Variants in DGUOK observed in about 807,000 individuals in gnomAD.
The protein encoded by DGUOK is deoxyguanosine kinase, mitochondrial.
A neutral mutation model predicts 36.6 loss-of-function variants in DGUOK; 30 were observed. That is an observed-to-expected ratio of 0.82 (90% CI 0.61 to 1.11). DGUOK has a LOEUF of 1.11. DGUOK is among the 50% of genes most tolerant of loss of function. DGUOK has a pLI of 0.00. For missense variants in DGUOK, 361 were observed against 336.4 expected, an observed-to-expected ratio of 1.07 and a Z score of -0.57; for synonymous variants, 145 against 126.3, an observed-to-expected ratio of 1.15 and a Z score of -0.99.
In DGUOK at chr2:73,957,225, T is replaced by G. The variant is rs752255665; in HGVS notation, c.692T>G (p.Ile231Ser). The change falls in exon 5 of 7, where the codon ATT becomes AGT. Residue 231 changes from isoleucine (I) to serine (S), a missense_variant. Physicochemically the swap from Ile to Ser is moderately radical, Grantham distance 142. Coordinates refer to ENST00000264093, the MANE Select transcript of DGUOK (RefSeq NM_080916.3). ...QLHGQHEAWLIHKTTKLHFEA... is the reference protein window; with the variant it reads ...QLHGQHEAWLSHKTTKLHFEA... ...CATGGCCAACACGAAGCCTGGCTTA[T>G]TCACAAGACAACGAAGTAAGTGGGG... is the stretch of plus-strand genomic sequence containing the variant. 2 of 1,613,934 alleles carry G rather than the reference T, an allele frequency of 1.2e-6. No individual in the cohort carries two copies. Among genetic ancestry groups the G allele is most frequent in the Non-Finnish European group, 1.7e-6 (2 of 1,179,894 alleles).
intron 2 of DGUOK, 134 bp downstream of exon 2, chr2:73,939,156 G>A (rs1681713455): frequency 1.4e-6 from 1 of 698,034 alleles, no homozygotes; most frequent in Non-Finnish European, 2.6e-6. Flanking sequence ...CCAGAAAGCA[G>A]ACCACATACA....
intron 2 of DGUOK, among the ~76,000 whole-genome samples, chr2:73,943,242 C>T (rs991875631): frequency 6.6e-6 from 1 of 152,046 alleles, no homozygotes; most frequent in Non-Finnish European, 1.5e-5. Context: ...CCTTGAAGTC[C>T]TGGACTCAGG....
intron 4 of DGUOK, among the ~76,000 whole-genome samples, chr2:73,951,573 G>A (rs1199494724): frequency 1.3e-5 from 2 of 152,178 alleles, no homozygotes; most frequent in East Asian, 3.8e-4. Context: ...CCAAGCTAGA[G>A]GCTATGCTTT....
chr2:73,954,503 C>T (rs1682944891), intron 4 of DGUOK, among the ~76,000 whole-genome samples: 1 of 152,012 alleles, frequency 6.6e-6, no homozygotes, highest in African/African-American at 2.4e-5. Flanking sequence ...GACCCCATCT[C>T]TAAAAATTTT....
At chr2:73,933,940 G>A (rs1681254704) in intron 1 of DGUOK, among the ~76,000 whole-genome samples, 1 of 152,114 alleles carries the variant, frequency 6.6e-6, no homozygotes, top group Non-Finnish European at 1.5e-5. Context: ...TTTTAAAAAA[G>A]ACATTAGACA....
intron 1 of DGUOK, among the ~76,000 whole-genome samples, chr2:73,938,394 C>T (rs766425842): frequency 3.3e-5 from 5 of 152,150 alleles, no homozygotes; most frequent in Admixed American, 6.5e-5. Flanking sequence ...AGCTCTGTGA[C>T]GACAAAATCC....
intron 1 of DGUOK, chr2:73,932,647 A>C (rs1376408336): frequency 7.7e-7 from 1 of 1,295,830 alleles, no homozygotes; most frequent in Non-Finnish European, 1.0e-6. Context: ...AGGAAACCTG[A>C]ACAGGGAAGG....
chr2:73,932,755 A>G (rs1372473086), intron 1 of DGUOK: 2 of 803,380 alleles, frequency 2.5e-6, no homozygotes, highest in Non-Finnish European at 3.4e-6. Flanking sequence ...AGGTGCAGAC[A>G]GCGGCATGTA....
chr2:73,926,885 T>G lies in DGUOK; in HGVS notation c.-26T>G, dbSNP rs748637196. 5 of 1,612,834 alleles carry G rather than the reference T, an allele frequency of 3.1e-6. No individual in the cohort carries two copies. Among genetic ancestry groups the G allele is most frequent in the Non-Finnish European group, 4.2e-6 (5 of 1,180,020 alleles). On this transcript the variant is annotated 5_prime_UTR_variant, in exon 1 of 7. Transcript: ENST00000264093. Reference sequence around the variant, plus strand: ...AGGGCGGAAGTGCTCTCGGCGGAAGTGATCGCTGTGTGAATCGTGGGTGGG... The same window carrying G: ...AGGGCGGAAGTGCTCTCGGCGGAAGGGATCGCTGTGTGAATCGTGGGTGGG...
At chr2:73,932,172 A>G (rs765697493) in intron 1 of DGUOK, among the ~76,000 whole-genome samples, 27 of 152,266 alleles carry the variant, frequency 1.8e-4, no homozygotes, top group Non-Finnish European at 3.1e-4. Context: ...CCTTGGAAGT[A>G]AATGCAATTG....
chr2:73,935,697 C>T (rs1327269883), intron 1 of DGUOK, among the ~76,000 whole-genome samples: 1 of 152,198 alleles, frequency 6.6e-6, no homozygotes, highest in African/African-American at 2.4e-5. Flanking sequence ...ATGGATGGCA[C>T]AGCTCTCAGG....
chr2:73,946,740 G>A lies in DGUOK; in HGVS notation c.277G>A (p.Gly93Arg), dbSNP rs368033322. ...CTAGGCCTGCACTGCCCAAAGTCTT[G>A]GAAACTTGCTGGATATGATGTACCG... is the stretch of plus-strand genomic sequence containing the variant. Reference protein sequence around the residue: ...TQKACTAQSLGNLLDMMYREP... With the variant: ...TQKACTAQSLRNLLDMMYREP... Residue 93 changes from glycine to arginine, a missense_variant, in exon 3 of 7, where the codon GGA (glycine) becomes AGA (arginine). Physicochemically the swap from Gly to Arg is moderately radical, Grantham distance 125 (BLOSUM62 -2). Transcript: ENST00000264093. 8 of 1,613,856 alleles carry A rather than the reference G, an allele frequency of 5.0e-6. No individual in the cohort carries two copies. Among genetic ancestry groups the A allele is most frequent in the East Asian group, 4.5e-5 (2 of 44,892 alleles).
At chr2:73,953,297 TCG>T (rs1682835635) in intron 4 of DGUOK, among the ~76,000 whole-genome samples, 2 of 26,880 alleles carry the variant, frequency 7.4e-5, no homozygotes, top group South Asian at 1.3e-3. Context: ...ATCATCGTCG[TCG>T]TCGTCGTCGT....
At chr2:73,936,996 A>T (rs1681516178) in intron 1 of DGUOK, among the ~76,000 whole-genome samples, 1 of 152,214 alleles carries the variant, frequency 6.6e-6, no homozygotes, top group Admixed American at 6.5e-5. Context: ...GCGCTTCAGG[A>T]AATGGGAAAG....
chr2:73,931,582 G>T (rs1430738460), intron 1 of DGUOK, among the ~76,000 whole-genome samples: 1 of 152,220 alleles, frequency 6.6e-6, no homozygotes, highest in Non-Finnish European at 1.5e-5. Context: ...AGTTTATCCT[G>T]TTGGCAGTGG....
At chr2:73,956,289 G>A (rs553803053) in intron 4 of DGUOK, among the ~76,000 whole-genome samples, 3 of 152,264 alleles carry the variant, frequency 2.0e-5, no homozygotes, top group South Asian at 4.1e-4. Flanking sequence ...TTTGACCTGT[G>A]CAAATTTTAC....
At chr2:73,938,366 G>A (rs902622337) in intron 1 of DGUOK, among the ~76,000 whole-genome samples, 9 of 152,096 alleles carry the variant, frequency 5.9e-5, no homozygotes, top group African/African-American at 1.2e-4. Flanking sequence ...TTAATTGTGC[G>A]TTTGTATCAC....
At chr2:73,928,568 C>A (rs1448080667) in intron 1 of DGUOK, among the ~76,000 whole-genome samples, 16 of 151,882 alleles carry the variant, frequency 1.1e-4, no homozygotes, top group Admixed American at 1.0e-3. Context: ...TTGGAAAGGC[C>A]CTGAGGTGGA....
chr2:73,953,607 T>C (rs1281715190), intron 4 of DGUOK, among the ~76,000 whole-genome samples: 2 of 151,988 alleles, frequency 1.3e-5, no homozygotes, highest in African/African-American at 2.4e-5. Context: ...TGTAAAAAGC[T>C]GTGCAAGTGC....
Sources: gnomAD v4.1 joint callset for allele counts (sites outside exome capture counted in the v4.1 genomes callset) on GRCh38, gnomAD v4.1.1 for gene constraint, MANE v1.5 for transcripts, NCBI Gene and HGNC (gene_info 2026-07-23, HGNC 2026-07-21) for gene names.